GASK1A: variants seen among roughly 807,000 people sequenced by gnomAD.
GASK1A encodes the protein golgi associated kinase 1A, also known as Golgi-associated kinase 1A.
A neutral mutation model predicts 41.2 loss-of-function variants in GASK1A; 40 were observed. The ratio of observed to expected loss-of-function variants is 0.97; its 90% CI spans 0.75 to 1.27. The LOEUF is 1.27. GASK1A is among the 50% of genes most tolerant of loss of function. The pLI is 0.00. For synonymous variants in GASK1A, 316 were observed against 307.1 expected (o/e 1.03, Z -0.30); for missense variants, 678 against 745.1 (o/e 0.91, Z 1.05).
intron 1 of GASK1A, among the ~76,000 whole-genome samples, chr3:43,021,290 C>T (rs530082549): frequency 2.7e-4 from 41 of 152,232 alleles, no homozygotes; most frequent in African/African-American, 8.7e-4. Flanking sequence ...CACCTTTCCA[C>T]GTGATTTTAA....
intron 2 of GASK1A, among the ~76,000 whole-genome samples, chr3:43,048,532 C>T (rs2089674218): frequency 6.6e-6 from 1 of 152,148 alleles, no homozygotes; most frequent in Admixed American, 6.5e-5. Flanking sequence ...ATGAAGGGTA[C>T]AGTAAAGAGC....
intron 1 of GASK1A, among the ~76,000 whole-genome samples, chr3:42,986,542 C>A (rs1352248828): frequency 6.6e-6 from 1 of 152,050 alleles, no homozygotes; most frequent in Non-Finnish European, 1.5e-5. Context: ...ATGCAAAACC[C>A]CTGGAGGCAA....
At chr3:43,016,782 T>C (rs2089493668) in intron 1 of GASK1A, among the ~76,000 whole-genome samples, 1 of 137,532 alleles carries the variant, frequency 7.3e-6, no homozygotes, top group African/African-American at 2.8e-5. Flanking sequence ...GGTGGGAAGT[T>C]ACAGGAAGGG....
rs704910 is a variant in GASK1A, at chr3:43,040,884, G to T, written c.1290+7331G>T. Among the ~76,000 whole-genome samples, 42 of 103,890 alleles carry T rather than the reference G, an allele frequency of 4.0e-4. 3 individuals are homozygous for T. Among genetic ancestry groups the T allele is most frequent in the Admixed American group, 1.6e-3 (14 of 8,808 alleles). The allele number at this position is 103,890 out of a possible 152,430, so 68.2% of individuals were successfully genotyped here. Reference sequence around the variant, plus strand: ...TCTCCCAATGCTATCCCTCCCCCCCGCCACAACAGTCCGCAGAGTGTGATG... The same window carrying T: ...TCTCCCAATGCTATCCCTCCCCCCCTCCACAACAGTCCGCAGAGTGTGATG... On this transcript the variant is annotated intron_variant, in intron 2 of 4. Coordinates refer to ENST00000430121, the MANE Select transcript of GASK1A (RefSeq NM_001129908.3).
intron 1 of GASK1A, among the ~76,000 whole-genome samples, chr3:43,003,650 G>A (rs2089421002): frequency 6.6e-6 from 1 of 152,174 alleles, no homozygotes; most frequent in South Asian, 2.1e-4. Context: ...AGCCACTTCA[G>A]TGGGTATACT....
chr3:43,007,466 GCTT>G (rs971480065), intron 1 of GASK1A, among the ~76,000 whole-genome samples: 16 of 152,172 alleles, frequency 1.1e-4, no homozygotes, highest in African/African-American at 2.9e-4. Context: ...TGGGTGTCTA[GCTT>G]CTTCTTAAGT....
intron 1 of GASK1A, among the ~76,000 whole-genome samples, chr3:43,014,331 G>A (rs1299470185): frequency 2.6e-5 from 4 of 152,228 alleles, no homozygotes; most frequent in Non-Finnish European, 1.5e-5. Flanking sequence ...GAGGCAGTGG[G>A]ATGTCAAAGG....
intron 1 of GASK1A, among the ~76,000 whole-genome samples, chr3:43,021,791 T>G (rs1402970754): frequency 6.6e-6 from 1 of 152,210 alleles, no homozygotes; most frequent in African/African-American, 2.4e-5. Flanking sequence ...ACAAAACCTG[T>G]GTGTCTATTT....
chr3:43,016,689 T>C (rs1368623468), intron 1 of GASK1A, among the ~76,000 whole-genome samples: 3 of 145,944 alleles, frequency 2.1e-5, no homozygotes, highest in African/African-American at 7.8e-5. Context: ...CTGAGTGAAG[T>C]CATAGGAAGC....
chr3:43,011,777 A>G (rs1339742881), intron 1 of GASK1A, among the ~76,000 whole-genome samples: 2 of 151,686 alleles, frequency 1.3e-5, no homozygotes, highest in Admixed American at 1.3e-4. Context: ...GGCTGTGTGA[A>G]GTCACAGGAG....
chr3:43,024,656 A>G (rs1466361185), intron 1 of GASK1A, among the ~76,000 whole-genome samples: 1 of 152,208 alleles, frequency 6.6e-6, no homozygotes, highest in Non-Finnish European at 1.5e-5. Context: ...GCAGACGTGC[A>G]GTGCCACAGG....
intron 4 of GASK1A, chr3:43,055,808 G>T: frequency 2.1e-6 from 1 of 486,746 alleles, no homozygotes; most frequent in Non-Finnish European, 3.7e-6. Flanking sequence ...CCTTGTTCTG[G>T]GTGAGAGAGC....
At chr3:42,985,706 A>C (rs2089305759) in intron 1 of GASK1A, among the ~76,000 whole-genome samples, 1 of 151,974 alleles carries the variant, frequency 6.6e-6, no homozygotes, top group African/African-American at 2.4e-5. Context: ...GATAGACCCA[A>C]CCTGAGGAGT....
At chr3:43,001,647 C>T (rs950203987) in intron 1 of GASK1A, among the ~76,000 whole-genome samples, 2 of 152,118 alleles carry the variant, frequency 1.3e-5, no homozygotes, top group Non-Finnish European at 2.9e-5. Context: ...CTACTTACTT[C>T]CAGGGACACT....
intron 1 of GASK1A, among the ~76,000 whole-genome samples, chr3:42,981,417 A>G (rs994666018): frequency 1.3e-5 from 2 of 152,178 alleles, no homozygotes; most frequent in Non-Finnish European, 2.9e-5. Flanking sequence ...CTTCTGTTAG[A>G]TGAGAGATTG....
chr3:42,981,909 G>A (rs1485738937), intron 1 of GASK1A, among the ~76,000 whole-genome samples: 1 of 152,062 alleles, frequency 6.6e-6, no homozygotes, highest in Non-Finnish European at 1.5e-5. Context: ...ACTGAGATTT[G>A]AACTTGCCCA....
chr3:43,006,261 C>G (rs149114793), intron 1 of GASK1A, among the ~76,000 whole-genome samples: 1 of 152,172 alleles, frequency 6.6e-6, no homozygotes, highest in Non-Finnish European at 1.5e-5. Flanking sequence ...CAGCATCCCA[C>G]GAGTCTCTTT....
chr3:43,036,752 C>A (rs538470395), intron 2 of GASK1A, among the ~76,000 whole-genome samples: 51 of 152,274 alleles, frequency 3.3e-4, no homozygotes, highest in Non-Finnish European at 5.6e-4. Flanking sequence ...GAAGAGACAT[C>A]TAGGAGGACC....
rs1421316061 is a variant in GASK1A, at chr3:43,033,423, C to T, written c.1160C>T (p.Ser387Phe). Residue 387 changes from serine (S) to phenylalanine (F), a missense_variant, in exon 2 of 5, where the codon TCT becomes TTT. Coordinates refer to ENST00000430121, the MANE Select transcript of GASK1A (RefSeq NM_001129908.3). ...HLSDPDEDQN[S>F]LALGWLQYQA... ...AGCGACCCAGATGAGGATCAGAACT[C>T]TCTGGCCTTGGGCTGGCTGCAGTAT... 5 of 1,551,456 alleles carry T rather than the reference C, an allele frequency of 3.2e-6. No individual in the cohort carries two copies. In the Admixed American group the frequency reaches 7.8e-5, roughly 24 times the overall value.
Sources: allele counts gnomAD v4.1 joint callset (sites outside exome capture counted in the v4.1 genomes callset), GRCh38; gene constraint gnomAD v4.1.1; transcripts MANE v1.5; gene names NCBI Gene and HGNC (gene_info 2026-07-23, HGNC 2026-07-21).